DOCK2: variants seen among roughly 807,000 people sequenced by gnomAD.
DOCK2 encodes dedicator of cytokinesis protein 2.
In DOCK2, 87 loss-of-function variants were observed where a neutral mutation model predicts 248.9. The observed-to-expected ratio is 0.35, with a 90% CI of 0.29 to 0.42. The LOEUF (loss-of-function observed/expected upper bound fraction) is 0.42, where lower values mean the gene tolerates loss of function less well. Among genes scored for constraint, DOCK2 ranks in the 10% least tolerant of loss-of-function variants. The pLI is 1.00. For synonymous variants in DOCK2, 805 were observed against 821.6 expected, an observed-to-expected ratio of 0.98 and a Z score of 0.35; for missense variants, 1,747 against 2,300.2, an observed-to-expected ratio of 0.76 and a Z score of 4.92.
At chr5:169,903,188 G>C (rs910741238) in intron 27 of DOCK2, among the ~76,000 whole-genome samples, 4 of 151,564 alleles carry the variant, frequency 2.6e-5, no homozygotes, top group Admixed American at 2.0e-4. Context: ...GAGGTGGGAG[G>C]ATCTTTTCAG....
intron 27 of DOCK2, among the ~76,000 whole-genome samples, chr5:169,971,188 C>A (rs1299895701): frequency 2.9e-4 from 42 of 143,806 alleles, no homozygotes; most frequent in Non-Finnish European, 2.4e-4. Flanking sequence ...GAAAGAAAGG[C>A]AAAAAAAAAA....
intron 23 of DOCK2, among the ~76,000 whole-genome samples, chr5:169,756,001 G>C (rs960954277): frequency 1.3e-5 from 2 of 152,200 alleles, no homozygotes; most frequent in African/African-American, 4.8e-5. Flanking sequence ...AGTAGGCAGA[G>C]ATGGGCTGTC....
intron 30 of DOCK2, among the ~76,000 whole-genome samples, chr5:170,005,624 G>A (rs566158871): frequency 4.6e-5 from 7 of 152,192 alleles, no homozygotes; most frequent in Admixed American, 2.6e-4. Context: ...TTCTTTTGGC[G>A]TGATGAAAAT....
At position 169,654,481 on chromosome 5, in the gene DOCK2, G is replaced by A. The variant is rs987325718; in HGVS notation, c.122G>A (p.Cys41Tyr). The part of the protein sequence containing the change: ...IGDVVRIQET[C>Y]GDWYRGYLIK... ...GATGTGGTGCGAATACAGGAGACGT[G>A]TGGAGGTGAGTCACTGGCCCACGCC... is the stretch of plus-strand genomic sequence containing the variant. The change falls in exon 2 of 52, where the codon TGT (cysteine) becomes TAT (tyrosine). Residue 41 changes from cysteine (C) to tyrosine (Y), a missense_variant. Physicochemically the swap from Cys to Tyr is radical, Grantham distance 194. Transcript: ENST00000520908. The A allele has an allele frequency of 6.2e-7, 1 of 1,614,182 alleles. No homozygotes were observed. The highest frequency in any genetic ancestry group is 2.2e-5 in the East Asian group (1 of 44,892).
intron 27 of DOCK2, among the ~76,000 whole-genome samples, chr5:169,857,581 G>A (rs1770961974): frequency 6.6e-6 from 1 of 152,128 alleles, no homozygotes; most frequent in Admixed American, 6.5e-5. Context: ...AGAGTTAGAA[G>A]CCTTGGGCAT....
chr5:170,046,803 GCA>G (rs1223794521), intron 39 of DOCK2, among the ~76,000 whole-genome samples: 1 of 151,208 alleles, frequency 6.6e-6, no homozygotes, highest in Non-Finnish European at 1.5e-5. Flanking sequence ...ATACATTCAA[GCA>G]CACACTAATG....
chr5:169,747,602 T>G (rs1763680957), intron 23 of DOCK2, 98 bp downstream of exon 23: 1 of 1,091,082 alleles, frequency 9.2e-7, no homozygotes, highest in Admixed American at 2.5e-5. Flanking sequence ...TATGCAAACT[T>G]GTATCCAGTG....
At chr5:169,942,689 CAGAG>C (rs1425389676) in intron 27 of DOCK2, among the ~76,000 whole-genome samples, 2 of 152,118 alleles carry the variant, frequency 1.3e-5, no homozygotes, top group Non-Finnish European at 2.9e-5. Flanking sequence ...GCAAGCAGTA[CAGAG>C]AAATAGAGGA....
chr5:169,646,937 G>A (rs1011634578), intron 1 of DOCK2, among the ~76,000 whole-genome samples: 5 of 152,250 alleles, frequency 3.3e-5, no homozygotes, highest in African/African-American at 1.2e-4. Context: ...TGTCCTGAGT[G>A]ATGGTCCTTA....
intron 27 of DOCK2, among the ~76,000 whole-genome samples, chr5:169,910,853 C>T (rs957374631): frequency 6.6e-6 from 1 of 152,204 alleles, no homozygotes; most frequent in Admixed American, 6.5e-5. Context: ...AGGCTCTCTC[C>T]AGCCCACCTA....
intron 47 of DOCK2, 132 bp downstream of exon 47, chr5:170,076,216 T>G: frequency 2.3e-6 from 3 of 1,321,646 alleles, no homozygotes; most frequent in Non-Finnish European, 3.1e-6. Context: ...ATGGCCAGCA[T>G]TGCTGGATCC....
At chr5:169,651,022 T>C (rs1757777754) in intron 1 of DOCK2, among the ~76,000 whole-genome samples, 1 of 152,230 alleles carries the variant, frequency 6.6e-6, no homozygotes, top group South Asian at 2.1e-4. Flanking sequence ...CTCTTGTTTT[T>C]CTGCCTTTTT....
At position 169,761,700 on chromosome 5, in the gene DOCK2, G is replaced by A. The variant is rs915387764; in HGVS notation, c.2554+75G>A. ...CACATCATTTTGGGGAAGCTTGGCA[G>A]GAGAGGGCAACCTGTCCAGTGACTA... On this transcript the variant is annotated intron_variant, in intron 25 of 51. Coordinates refer to ENST00000520908, the MANE Select transcript of DOCK2 (RefSeq NM_004946.3). 11 of 1,261,652 alleles carry A rather than the reference G, an allele frequency of 8.7e-6. No individual in the cohort carries two copies. In the African/African-American group the frequency reaches 1.6e-4, roughly 19 times the overall value. The allele number at this position is 1,261,652 out of a possible 1,614,324, so 78.2% of individuals were successfully genotyped here. A position where few individuals can be genotyped will look rare whatever the true frequency, so the allele number is the denominator to read the frequency against.
At chr5:169,783,215 G>A (rs1164281581) in intron 25 of DOCK2, among the ~76,000 whole-genome samples, 1 of 152,098 alleles carries the variant, frequency 6.6e-6, no homozygotes, top group East Asian at 1.9e-4. Context: ...TTCAGAAATT[G>A]GAAATATTCA....
chr5:169,867,995 G>T (rs926180403), intron 27 of DOCK2, among the ~76,000 whole-genome samples: 16 of 152,168 alleles, frequency 1.1e-4, no homozygotes, highest in African/African-American at 3.6e-4. Flanking sequence ...AATGCTCCTA[G>T]CTCCTGAAAT....
rs1050556257 is a variant in DOCK2 at position 169,883,268 on chromosome 5, T to C, written c.2799+42416T>C. Reference sequence around the variant, plus strand: ...GACTCTCTAGCTTCCCAGGAAGGACTGTGATAAATATCATCTGGAACCTGA... The same window carrying C: ...GACTCTCTAGCTTCCCAGGAAGGACCGTGATAAATATCATCTGGAACCTGA... On this transcript the variant is annotated intron_variant, in intron 27 of 51. Transcript: ENST00000520908. 1.2e-5 allele frequency: 18 copies of C among 1,551,650 alleles called. No homozygotes were observed. In the East Asian group the frequency reaches 2.9e-4, roughly 25 times the overall value.
At chr5:169,887,741 TAGA>T (rs1773052628) in intron 27 of DOCK2, among the ~76,000 whole-genome samples, 2 of 152,358 alleles carry the variant, frequency 1.3e-5, no homozygotes, top group African/African-American at 4.8e-5. Context: ...AATAAATGCC[TAGA>T]AGAAGAATTA....
At chr5:169,640,355 G>A (rs1454206023) in intron 1 of DOCK2, among the ~76,000 whole-genome samples, 2 of 152,226 alleles carry the variant, frequency 1.3e-5, no homozygotes, top group Non-Finnish European at 2.9e-5. Flanking sequence ...AGCTGAGCCT[G>A]CCAGGCAGAT....
Position 169,907,884 on chromosome 5 carries a change from C to T in DOCK2, c.2799+67032C>T, listed in dbSNP as rs535073097. ...GGGCAGGGATGCTCTAAACATCCTA[C>T]AACACACAGGAACCGTTGGCCAGTC... On this transcript the variant is annotated intron_variant, in intron 27 of 51. Transcript: ENST00000520908. Among the ~76,000 whole-genome samples, 24 of 152,286 alleles carry T rather than the reference C, an allele frequency of 1.6e-4. No homozygotes were observed. In the South Asian group the frequency reaches 4.8e-3, roughly 30 times the overall value.
Sources: gnomAD v4.1 joint callset for allele counts (sites outside exome capture counted in the v4.1 genomes callset) on GRCh38, gnomAD v4.1.1 for gene constraint, MANE v1.5 for transcripts, NCBI Gene and HGNC (gene_info 2026-07-23, HGNC 2026-07-21) for gene names.